The following CLVS1 variants were observed in gnomAD, a reference collection of about 807,000 sequenced individuals.
CLVS1 encodes clavesin-1.
Under a neutral mutation model 33.1 loss-of-function variants are expected in CLVS1, and 10 were observed. The ratio of observed to expected loss-of-function variants is 0.30; its 90% CI spans 0.19 to 0.51. The LOEUF is 0.51. Ranked by LOEUF, CLVS1 falls within the 20% of genes least tolerant of loss-of-function variation. CLVS1 has a pLI of 0.97. For missense variants in CLVS1, 343 were observed against 433.4 expected, an observed-to-expected ratio of 0.79 and a Z score of 1.85; for synonymous variants, 163 against 166.1, an observed-to-expected ratio of 0.98 and a Z score of 0.14.
At chr8:61,333,636 G>T (rs188145549) in intron 2 of CLVS1, among the ~76,000 whole-genome samples, 1 of 152,132 alleles carries the variant, frequency 6.6e-6, no homozygotes, top group South Asian at 2.1e-4. Context: ...AGGAAATGTC[G>T]CAATGGGGAG....
At chr8:61,435,196 G>A (rs1485275203) in intron 3 of CLVS1, among the ~76,000 whole-genome samples, 2 of 152,278 alleles carry the variant, frequency 1.3e-5, no homozygotes, top group African/African-American at 4.8e-5. Context: ...CTTGAAATAT[G>A]GATCCTAGGT....
chr8:61,149,128 G>A (rs370390209), intron 2 of CLVS1, among the ~76,000 whole-genome samples: 2 of 152,194 alleles, frequency 1.3e-5, no homozygotes, highest in African/African-American at 4.8e-5. Context: ...CATGAAGCAA[G>A]GGCCTTGTCT....
At chr8:61,275,665 C>A (rs1809549013) in intron 2 of CLVS1, among the ~76,000 whole-genome samples, 1 of 152,158 alleles carries the variant, frequency 6.6e-6, no homozygotes, top group Admixed American at 6.5e-5. Flanking sequence ...TCAATCCCCC[C>A]ACAGGCTAAA....
intron 2 of CLVS1, among the ~76,000 whole-genome samples, chr8:61,190,995 A>G (rs1242768774): frequency 6.6e-6 from 1 of 152,218 alleles, no homozygotes. Flanking sequence ...ATCAATAGAA[A>G]AAGAGGGAAT....
intron 1 of CLVS1, chr8:61,292,548 G>T: frequency 3.0e-6 from 1 of 337,818 alleles, no homozygotes; most frequent in Non-Finnish European, 5.9e-6. Flanking sequence ...AAGACAGAAG[G>T]GTCAAGGTTT....
At chr8:61,465,445 T>C (rs1817513777) in intron 5 of CLVS1, 1 of 152,146 alleles carries the variant, frequency 6.6e-6, no homozygotes, top group Admixed American at 6.6e-5. Context: ...GAGCTCTTGT[T>C]TTTTTTCTTT....
At position 61,499,472 on chromosome 8, in the gene CLVS1, A is replaced by G; in HGVS notation, c.995A>G (p.Glu332Gly). The change falls in exon 6 of 6, where the codon GAA becomes GGA. Residue 332 changes from glutamate to glycine, a missense_variant. Transcript: ENST00000325897. ...CTTGTTAGATCTCAGTCTGTGGTAG[A>G]AGCTGGGACCCTGAAACATGAGGAG... is the stretch of plus-strand genomic sequence containing the variant. ...KLMKRSQSVVEAGTLKHEEKG... is the reference protein window; with the variant it reads ...KLMKRSQSVVGAGTLKHEEKG... 1 of 1,613,346 alleles carries G rather than the reference A, an allele frequency of 6.2e-7. No homozygotes were observed. Among genetic ancestry groups the G allele is most frequent in the South Asian group, 1.1e-5 (1 of 91,058 alleles).
intron 2 of CLVS1, among the ~76,000 whole-genome samples, chr8:61,215,951 C>T (rs1307838321): frequency 2.0e-5 from 3 of 152,096 alleles, no homozygotes; most frequent in Non-Finnish European, 4.4e-5. Context: ...GGTGTGAACA[C>T]AGCAACTGAG....
intron 2 of CLVS1, among the ~76,000 whole-genome samples, chr8:61,148,609 A>G (rs1017665070): frequency 2.0e-5 from 3 of 152,344 alleles, no homozygotes; most frequent in Non-Finnish European, 2.9e-5. Context: ...AGGCTTTTGC[A>G]GCTTTGGAAT....
intron 1 of CLVS1, among the ~76,000 whole-genome samples, chr8:61,094,577 C>T (rs1805314973): frequency 6.6e-6 from 1 of 152,070 alleles, no homozygotes; most frequent in Non-Finnish European, 1.5e-5. Context: ...AGCCCAAACC[C>T]CAGTACCTTA....
chr8:61,392,438 G>A (rs1762436446), intron 3 of CLVS1, among the ~76,000 whole-genome samples: 1 of 152,110 alleles, frequency 6.6e-6, no homozygotes, highest in Admixed American at 6.5e-5. Flanking sequence ...GATTTTCTCT[G>A]ATTACAAATC....
intron 1 of CLVS1, among the ~76,000 whole-genome samples, chr8:61,066,733 A>T (rs1804687864): frequency 6.6e-6 from 1 of 152,236 alleles, no homozygotes; most frequent in Admixed American, 6.5e-5. Flanking sequence ...TGTGAAGAAC[A>T]TCGCAATTCA....
At chr8:61,427,118 G>T (rs1354083603) in intron 3 of CLVS1, among the ~76,000 whole-genome samples, 1 of 152,132 alleles carries the variant, frequency 6.6e-6, no homozygotes, top group Admixed American at 6.6e-5. Context: ...TTTAAAAGTT[G>T]ATTAGAGTTT....
chr8:61,103,833 T>C (rs1805490302), intron 1 of CLVS1, among the ~76,000 whole-genome samples: 1 of 152,200 alleles, frequency 6.6e-6, no homozygotes, highest in African/African-American at 2.4e-5. Context: ...GGCAAGGGCT[T>C]GCTTAAAAGA....
In CLVS1 at chr8:61,500,793, A is replaced by AGTT. The variant is rs1409477160; in HGVS notation, c.*1252_*1254dup. ...GCTCAAAGTCAAACAAAAATATTTT[A>AGTT]GTTAATAATGGGCAGTAAAATATGA... On this transcript the variant is annotated 3_prime_UTR_variant, in exon 6 of 6. Transcript: ENST00000325897. 6.6e-6 allele frequency: 1 copy of AGTT among 152,238 alleles called. No individual in the cohort carries two copies. The highest frequency in any genetic ancestry group is 1.5e-5 in the Non-Finnish European group (1 of 68,038). The allele number at this position is 152,238 out of a possible 1,614,324, so 9.4% of individuals were successfully genotyped here. A position where few individuals can be genotyped will look rare whatever the true frequency, so the allele number is the denominator to read the frequency against.
At chr8:61,476,706 A>T (rs1350219863) in intron 5 of CLVS1, among the ~76,000 whole-genome samples, 1 of 152,182 alleles carries the variant, frequency 6.6e-6, no homozygotes, top group Non-Finnish European at 1.5e-5. Flanking sequence ...GGCTGAGACG[A>T]TGGGGTTTTC....
intron 1 of CLVS1, among the ~76,000 whole-genome samples, chr8:61,295,641 A>G (rs1395459990): frequency 6.6e-6 from 1 of 152,156 alleles, no homozygotes; most frequent in Non-Finnish European, 1.5e-5. Context: ...TAAATCATAA[A>G]TAATAAAATC....
chr8:61,470,121 C>T (rs1239110047), intron 5 of CLVS1, among the ~76,000 whole-genome samples: 1 of 152,190 alleles, frequency 6.6e-6, no homozygotes, highest in Non-Finnish European at 1.5e-5. Context: ...ATTACTTGTA[C>T]ATCTGGCCGA....
chr8:61,145,289 C>T (rs1326843753), intron 2 of CLVS1, among the ~76,000 whole-genome samples: 10 of 152,072 alleles, frequency 6.6e-5, no homozygotes, highest in South Asian at 6.2e-4. Flanking sequence ...AAAAAGTGGG[C>T]GAAGGATATG....
Sources: allele counts gnomAD v4.1 joint callset (sites outside exome capture counted in the v4.1 genomes callset), GRCh38; gene constraint gnomAD v4.1.1; transcripts MANE v1.5; gene names NCBI Gene and HGNC (gene_info 2026-07-23, HGNC 2026-07-21).